The following PTPRG variants were observed in gnomAD, a reference collection of about 807,000 sequenced individuals.
PTPRG encodes protein tyrosine phosphatase receptor type G.
Under a neutral mutation model 165.3 loss-of-function variants are expected in PTPRG, and 102 were observed. The ratio of observed to expected loss-of-function variants is 0.62; its 90% CI spans 0.53 to 0.73. The LOEUF is 0.73. PTPRG is among the 30% of genes least tolerant of loss of function. PTPRG has a pLI of 0.00. For missense variants in PTPRG, 1,866 were observed against 1,861.4 expected, an observed-to-expected ratio of 1.00 and a Z score of -0.05; for synonymous variants, 675 against 669.5, an observed-to-expected ratio of 1.01 and a Z score of -0.13.
intron 1 of PTPRG, among the ~76,000 whole-genome samples, chr3:61,591,835 C>G (rs1700577339): frequency 6.6e-6 from 1 of 152,178 alleles, no homozygotes; most frequent in Non-Finnish European, 1.5e-5. Context: ...ATTCCTGTTT[C>G]TAGGCATAAC....
intron 2 of PTPRG, among the ~76,000 whole-genome samples, chr3:61,859,405 T>C (rs1252554553): frequency 1.3e-5 from 2 of 152,176 alleles, no homozygotes; most frequent in African/African-American, 4.8e-5. Flanking sequence ...GGGTCTAATT[T>C]TGAATTACCC....
chr3:62,021,243 T>C (rs1246225353), intron 4 of PTPRG, among the ~76,000 whole-genome samples: 6 of 152,224 alleles, frequency 3.9e-5, no homozygotes, highest in Admixed American at 2.0e-4. Flanking sequence ...CAATACATTG[T>C]TGGACCTTTC....
chr3:61,597,592 A>G (rs1007449011), intron 1 of PTPRG, among the ~76,000 whole-genome samples: 2 of 152,300 alleles, frequency 1.3e-5, no homozygotes, highest in South Asian at 4.1e-4. Flanking sequence ...TAATCTTTTT[A>G]CCATGTAGGA....
At chr3:61,581,957 TTTTG>T (rs1400380575) in intron 1 of PTPRG, among the ~76,000 whole-genome samples, 1 of 151,828 alleles carries the variant, frequency 6.6e-6, no homozygotes, top group Admixed American at 6.6e-5. Flanking sequence ...TTTTATTTTG[TTTTG>T]TTTTATTTTT....
intron 28 of PTPRG, among the ~76,000 whole-genome samples, chr3:62,288,959 A>C (rs1020846004): frequency 3.3e-5 from 5 of 152,244 alleles, no homozygotes; most frequent in Non-Finnish European, 7.3e-5. Flanking sequence ...TTTAAAAGAA[A>C]GAAAATAAGC....
rs1037726873 is a variant in PTPRG at position 62,222,797 on chromosome 3, TC to T, written c.2288+3816del. Among the ~76,000 whole-genome samples, 7 of 152,214 alleles carry T rather than the reference TC, an allele frequency of 4.6e-5. No individual in the cohort carries two copies. The highest frequency in any genetic ancestry group is 8.8e-5 in the Non-Finnish European group (6 of 68,050). ...ATTATTTATGCAATGCTTACAGAGT[TC>T]CTGCCATGCATCCTGGTGGGCCTAG... On this transcript the variant is annotated intron_variant, in intron 13 of 29. Transcript: ENST00000474889. This position sits in a 1 kb window ranked among gnomAD's most constrained non-coding sequence, Gnocchi z 4.5.
chr3:62,061,121 A>G (rs1197869503), intron 4 of PTPRG, among the ~76,000 whole-genome samples: 1 of 152,212 alleles, frequency 6.6e-6, no homozygotes, highest in Non-Finnish European at 1.5e-5. Context: ...CTGTTTTAGC[A>G]TCCCTTGATT....
intron 2 of PTPRG, among the ~76,000 whole-genome samples, chr3:61,866,904 TTGCTTTTA>T (rs1173867674): frequency 1.3e-5 from 2 of 152,104 alleles, no homozygotes; most frequent in African/African-American, 4.8e-5. Context: ...GCCAAAGTGG[TTGCTTTTA>T]TTCTAACAAC....
chr3:61,954,629 C>T (rs1346880634), intron 2 of PTPRG, among the ~76,000 whole-genome samples: 2 of 152,056 alleles, frequency 1.3e-5, no homozygotes, highest in Admixed American at 6.5e-5. Context: ...TAGACTCAAG[C>T]GAAGCCAGGG....
intron 4 of PTPRG, among the ~76,000 whole-genome samples, chr3:62,050,795 G>A (rs1052788569): frequency 2.0e-5 from 3 of 152,126 alleles, no homozygotes; most frequent in Non-Finnish European, 2.9e-5. Flanking sequence ...TTTCCTGGAT[G>A]ACCTTCATTC....
chr3:61,948,440 T>C (rs986306245), intron 2 of PTPRG, among the ~76,000 whole-genome samples: 2 of 152,206 alleles, frequency 1.3e-5, no homozygotes, highest in Admixed American at 6.5e-5. Flanking sequence ...TTCTAGGTGC[T>C]GGGAATTCAG....
intron 2 of PTPRG, among the ~76,000 whole-genome samples, chr3:61,946,564 G>A (rs1232451049): frequency 6.6e-6 from 1 of 152,204 alleles, no homozygotes; most frequent in Non-Finnish European, 1.5e-5. Context: ...ATTGTGCTGT[G>A]CATGGTTGAA....
chr3:61,625,704 A>G (rs980303935), intron 1 of PTPRG, among the ~76,000 whole-genome samples: 6 of 152,170 alleles, frequency 3.9e-5, no homozygotes, highest in African/African-American at 1.4e-4. Context: ...TATCTACTAC[A>G]GAGTGCCCAA....
At chr3:61,587,361 T>G (rs1276391711) in intron 1 of PTPRG, among the ~76,000 whole-genome samples, 1 of 152,170 alleles carries the variant, frequency 6.6e-6, no homozygotes, top group African/African-American at 2.4e-5. Flanking sequence ...TTGTTTTTTC[T>G]CTCTATGCAC....
At chr3:61,871,006 C>T (rs938467808) in intron 2 of PTPRG, among the ~76,000 whole-genome samples, 1 of 151,976 alleles carries the variant, frequency 6.6e-6, no homozygotes, top group Non-Finnish European at 1.5e-5. Flanking sequence ...TTTGTTTAGA[C>T]TGTCAGTCTC....
intron 2 of PTPRG, among the ~76,000 whole-genome samples, chr3:61,816,910 T>A (rs1367088751): frequency 6.7e-6 from 1 of 148,182 alleles, no homozygotes; most frequent in Non-Finnish European, 1.5e-5. Context: ...AATTTACTGG[T>A]AAAATGAAAT....
intron 4 of PTPRG, among the ~76,000 whole-genome samples, chr3:62,061,530 A>G (rs577994832): frequency 6.6e-6 from 1 of 152,308 alleles, no homozygotes; most frequent in Admixed American, 6.5e-5. Flanking sequence ...AGATTTATCT[A>G]TCAGAGTCTC....
intron 1 of PTPRG, among the ~76,000 whole-genome samples, chr3:61,722,222 T>TACACAC (rs111827362): frequency 0.11 from 17,129 of 149,022 alleles, 1,173 homozygotes; most frequent in Non-Finnish European, 0.15. Context: ...GCAAAACAAA[T>TACACAC]ACACACACAC....
chr3:61,921,820 G>A (rs1411593381), intron 2 of PTPRG, among the ~76,000 whole-genome samples: 2 of 152,118 alleles, frequency 1.3e-5, no homozygotes, highest in South Asian at 2.1e-4. Context: ...TTACAGGTTA[G>A]GAAATTGTTT....
Sources: gnomAD v4.1 joint callset for allele counts (sites outside exome capture counted in the v4.1 genomes callset) on GRCh38, gnomAD v4.1.1 for gene constraint, Gnocchi (gnomAD v3.1) non-coding constraint, MANE v1.5 for transcripts, NCBI Gene and HGNC (gene_info 2026-07-23, HGNC 2026-07-21) for gene names.